The following CFAP91 variants were observed in gnomAD, a reference collection of about 807,000 sequenced individuals.
CFAP91 encodes the protein cilia- and flagella-associated protein 91.
In CFAP91, 85 loss-of-function variants were observed where a neutral mutation model predicts 95.9. That is an observed-to-expected ratio of 0.89 (90% CI 0.74 to 1.06). The LOEUF is 1.06. Ranked by LOEUF, CFAP91 falls within the 50% of genes least tolerant of loss-of-function variation. The pLI is 0.00. For missense variants in CFAP91, 962 were observed against 943.4 expected (o/e 1.02, Z -0.26); for synonymous variants, 335 against 327.5 (o/e 1.02, Z -0.25).
At chr3:119,753,968 T>C (rs1344387185) in intron 17 of CFAP91, among the ~76,000 whole-genome samples, 1 of 152,234 alleles carries the variant, frequency 6.6e-6, no homozygotes, top group Non-Finnish European at 1.5e-5. Flanking sequence ...ATCTAGTCTA[T>C]GGTGTTTGGT....
rs1439715534 is a variant in CFAP91 at position 119,757,381 on chromosome 3, C to T, written c.*1+6283C>T. Among the ~76,000 whole-genome samples, 7 of 152,208 alleles carry T rather than the reference C, an allele frequency of 4.6e-5. No individual in the cohort carries two copies. In the South Asian group the frequency reaches 6.2e-4, roughly 14 times the overall value. On this transcript the variant is annotated intron_variant, in intron 17 of 17. Coordinates refer to ENST00000273390, the MANE Select transcript of CFAP91 (RefSeq NM_033364.4). ...ATATTTGGCTGGGTGCAGTGGCTCA[C>T]GTCTGTAATCCCAGCAATTTGGGAG... is the stretch of plus-strand genomic sequence containing the variant.
chr3:119,742,016 C>T (rs2054130398), intron 13 of CFAP91, among the ~76,000 whole-genome samples: 1 of 152,182 alleles, frequency 6.6e-6, no homozygotes, highest in African/African-American at 2.4e-5. Context: ...AGATAAGGAG[C>T]AGAATGCCCT....
chr3:119,744,595 G>T (rs1174683971), intron 14 of CFAP91, among the ~76,000 whole-genome samples: 1 of 152,140 alleles, frequency 6.6e-6, no homozygotes, highest in Admixed American at 6.5e-5. Flanking sequence ...ACAGGAAGTC[G>T]AGTATTACAT....
chr3:119,716,284 T>C (rs2053572991), intron 6 of CFAP91, among the ~76,000 whole-genome samples: 1 of 152,268 alleles, frequency 6.6e-6, no homozygotes, highest in Non-Finnish European at 1.5e-5. Context: ...GCCTATATTA[T>C]GTGAACCTAT....
At chr3:119,728,803 G>C (rs67659273) in intron 7 of CFAP91, among the ~76,000 whole-genome samples, 7,665 of 152,162 alleles carry the variant, frequency 0.05, 274 homozygotes, top group Non-Finnish European at 0.075. Context: ...CTCCTCTAAG[G>C]AAGGCTTCCC....
At chr3:119,714,572 T>C (rs2053540625) in intron 5 of CFAP91, among the ~76,000 whole-genome samples, 1 of 152,216 alleles carries the variant, frequency 6.6e-6, no homozygotes, top group African/African-American at 2.4e-5. Context: ...TTTACTTTTC[T>C]TTGATTACTA....
At chr3:119,720,356 C>T (rs1165685138) in intron 6 of CFAP91, among the ~76,000 whole-genome samples, 2 of 148,544 alleles carry the variant, frequency 1.3e-5, no homozygotes, top group East Asian at 3.9e-4. Context: ...GAGATGATGC[C>T]ACTGCACTCC....
At chr3:119,736,268 G>GTT (rs770777389) in intron 10 of CFAP91, among the ~76,000 whole-genome samples, 1,689 of 85,336 alleles carry the variant, frequency 0.02, 141 homozygotes, top group African/African-American at 0.066. Context: ...TCTTTCTATT[G>GTT]TTTTTTTTTT....
At chr3:119,755,011 C>T (rs1162635468) in intron 17 of CFAP91, among the ~76,000 whole-genome samples, 1 of 152,134 alleles carries the variant, frequency 6.6e-6, no homozygotes, top group African/African-American at 2.4e-5. Flanking sequence ...CTGATTTTTC[C>T]CTTTTGGAAG....
intron 3 of CFAP91, among the ~76,000 whole-genome samples, 171 bp downstream of exon 3, chr3:119,707,732 G>GAGATATATATATATAT (rs1553704804): frequency 7.0e-6 from 1 of 142,472 alleles, no homozygotes; most frequent in African/African-American, 2.6e-5. Flanking sequence ...GTATATATGA[G>GAGATATATATATATAT]ATATATATAT....
chr3:119,730,834 A>G (rs1013199308), intron 8 of CFAP91, among the ~76,000 whole-genome samples: 1 of 152,192 alleles, frequency 6.6e-6, no homozygotes, highest in Non-Finnish European at 1.5e-5. Context: ...TACTATATGT[A>G]TATGTATTCT....
chr3:119,716,711 C>A (rs766297195), intron 6 of CFAP91, among the ~76,000 whole-genome samples: 16 of 152,148 alleles, frequency 1.1e-4, no homozygotes, highest in Non-Finnish European at 2.4e-4. Context: ...CTCAGTCTCC[C>A]GAGTAGCTGG....
chr3:119,733,544 T>C (rs376965831), intron 10 of CFAP91, 38 bp downstream of exon 10: 2 of 1,597,142 alleles, frequency 1.3e-6, no homozygotes, highest in Admixed American at 1.8e-5. Context: ...GCTTCTAGTA[T>C]GATTTTTGCA....
intron 1 of CFAP91, 21 bp downstream of exon 1, chr3:119,703,243 T>C: frequency 6.2e-7 from 1 of 1,609,620 alleles, no homozygotes; most frequent in Non-Finnish European, 8.5e-7. Context: ...CCGCAGACCT[T>C]CCTCCGCGTC....
rs1357727594 is a variant in CFAP91, at chr3:119,730,255, T to A, written c.896T>A (p.Leu299Gln). The change falls in exon 8 of 18, where the codon CTG becomes CAG. Residue 299 changes from leucine to glutamine, a missense_variant. Leu to Gln is a moderately radical substitution (Grantham distance 113). Coordinates refer to ENST00000273390, the MANE Select transcript of CFAP91 (RefSeq NM_033364.4). ...QEIRLEVLKE[L>Q]LRKREENQNE... ...ATTCGCCTGGAAGTTCTAAAAGAGC[T>A]GTTGAGGAAGCGTGAAGAGAATCAG... 6.2e-7 allele frequency: 1 copy of A among 1,613,898 alleles called. No individual in the cohort carries two copies. The highest frequency in any genetic ancestry group is 1.3e-5 in the African/African-American group (1 of 74,880).
chr3:119,703,266 G>A, intron 1 of CFAP91, 44 bp downstream of exon 1: 1 of 1,601,212 alleles, frequency 6.2e-7, no homozygotes, highest in Non-Finnish European at 8.5e-7. Flanking sequence ...TCGCCTCCTA[G>A]GCCAGGTGGG....
intron 15 of CFAP91, 53 bp downstream of exon 15, chr3:119,747,316 A>G (rs1414274733): frequency 1.9e-6 from 3 of 1,549,936 alleles, no homozygotes; most frequent in East Asian, 4.5e-5. Context: ...GCTGGTACTC[A>G]TATATATTTT....
chr3:119,718,646 A>G (rs1003385828), intron 6 of CFAP91, among the ~76,000 whole-genome samples: 52 of 152,272 alleles, frequency 3.4e-4, no homozygotes, highest in African/African-American at 1.1e-3. Context: ...TAGAAAAACT[A>G]TTAGAAAGAT....
chr3:119,723,701 G>C (rs2053727080), intron 6 of CFAP91, among the ~76,000 whole-genome samples: 1 of 152,166 alleles, frequency 6.6e-6, no homozygotes, highest in Admixed American at 6.5e-5. Flanking sequence ...TACTAGACAG[G>C]AAGTATAGTA....
Sources: allele counts gnomAD v4.1 joint callset (sites outside exome capture counted in the v4.1 genomes callset), GRCh38; gene constraint gnomAD v4.1.1; transcripts MANE v1.5; gene names NCBI Gene and HGNC (gene_info 2026-07-23, HGNC 2026-07-21).